The following PSMD4 variants were observed in gnomAD, a reference collection of about 807,000 sequenced individuals.
The protein encoded by PSMD4 is proteasome 26S subunit ubiquitin receptor, non-ATPase 4, also known as 26S proteasome non-ATPase regulatory subunit 4.
In PSMD4, 5 loss-of-function variants were observed where a neutral mutation model predicts 39.7. The ratio of observed to expected loss-of-function variants is 0.13; its 90% confidence interval spans 0.07 to 0.26. PSMD4 has a LOEUF of 0.26. Ranked by LOEUF, PSMD4 falls within the 10% of genes least tolerant of loss-of-function variation. The pLI is 1.00. For missense variants in PSMD4, 272 were observed against 486.1 expected, an observed-to-expected ratio of 0.56 and a Z score of 4.14; for synonymous variants, 143 against 174.6, an observed-to-expected ratio of 0.82 and a Z score of 1.43.
In PSMD4 at chr1:151,266,517, C is replaced by T. The variant is rs2101842033; in HGVS notation, c.896-3C>T. 1.9e-6 allele frequency: 3 copies of T among 1,614,214 alleles called. No homozygotes were observed. In the East Asian group the frequency reaches 6.7e-5, roughly 36 times the overall value. On this transcript the variant is annotated splice_region_variant and splice_polypyrimidine_tract_variant and intron_variant, in intron 8 of 9. Transcript: ENST00000368884. ...ACTGAACAGACTGACCTCTCTTCCTCAGAGTTTGGCCAGGCGGAATCAGCA... is the reference window on the plus strand; with the variant it reads ...ACTGAACAGACTGACCTCTCTTCCTTAGAGTTTGGCCAGGCGGAATCAGCA...
chr1:151,262,414 C>T (rs1346695427), intron 2 of PSMD4, 113 bp downstream of exon 2: 1 of 1,320,390 alleles, frequency 7.6e-7, no homozygotes, highest in Non-Finnish European at 1.1e-6. Context: ...CTGCCTTCTG[C>T]ACTATTTAGT....
At chr1:151,255,866 A>G (rs137877353) in intron 1 of PSMD4, among the ~76,000 whole-genome samples, 2 of 152,024 alleles carry the variant, frequency 1.3e-5, no homozygotes, top group Non-Finnish European at 1.5e-5. Context: ...TGCACCAACG[A>G]TAGAACAGTG....
chr1:151,256,363 TA>T (rs56844459), intron 1 of PSMD4, among the ~76,000 whole-genome samples: 2,856 of 37,458 alleles, frequency 0.076, 142 homozygotes, highest in Middle Eastern at 0.17. Flanking sequence ...AAAATAATAA[TA>T]AAATAAATAA....
At chr1:151,265,881 C>A in intron 6 of PSMD4, 123 bp from the exon 7 acceptor site, 1 of 1,329,566 alleles carries the variant, frequency 7.5e-7, no homozygotes, top group Non-Finnish European at 1.0e-6. Flanking sequence ...CCTCCAGCTT[C>A]TTCTCTGTGT....
At chr1:151,266,968 C>G in intron 9 of PSMD4, 1 of 728,746 alleles carries the variant, frequency 1.4e-6, no homozygotes, top group Non-Finnish European at 2.5e-6. Context: ...CTCAGCAGGC[C>G]CCTCTATTTG....
At chr1:151,255,212 C>G (rs777416050) in intron 1 of PSMD4, among the ~76,000 whole-genome samples, 4 of 152,244 alleles carry the variant, frequency 2.6e-5, no homozygotes, top group Middle Eastern at 3.2e-3. Flanking sequence ...TCCCTCGTCT[C>G]TAACTTCATT....
chr1:151,261,333 G>A (rs754276369), intron 1 of PSMD4, among the ~76,000 whole-genome samples: 2 of 151,572 alleles, frequency 1.3e-5, no homozygotes, highest in Non-Finnish European at 1.5e-5. Flanking sequence ...GTGCCACCAC[G>A]CCCAGCTAAT....
intron 1 of PSMD4, among the ~76,000 whole-genome samples, chr1:151,256,459 AAGG>A (rs1391979067): frequency 2.2e-5 from 3 of 138,274 alleles, no homozygotes; most frequent in African/African-American, 8.1e-5. Flanking sequence ...TCTCTTTGAG[AAGG>A]AGTTTTGCTC....
intron 1 of PSMD4, among the ~76,000 whole-genome samples, chr1:151,261,180 CTTTTTTTTTT>C (rs587653164): frequency 8.3e-6 from 1 of 120,012 alleles, no homozygotes; most frequent in African/African-American, 3.1e-5. Context: ...TTTTCTTTTT[CTTTTTTTTTT>C]TTTTTTTTTG....
At chr1:151,266,876 A>G (rs1693461044) in intron 9 of PSMD4, 1 of 709,158 alleles carries the variant, frequency 1.4e-6, no homozygotes, top group Non-Finnish European at 2.6e-6. Flanking sequence ...GAAAAAGAAA[A>G]AGGAGAACTG....
chr1:151,261,954 C>CAAA (rs11370693), intron 1 of PSMD4, among the ~76,000 whole-genome samples: 43 of 124,996 alleles, frequency 3.4e-4, no homozygotes, highest in African/African-American at 9.6e-4. Context: ...GACCCTATCT[C>CAAA]AAAAAAAAAA....
intron 1 of PSMD4, 54 bp downstream of exon 1, chr1:151,254,862 G>A: frequency 6.9e-7 from 1 of 1,447,532 alleles, no homozygotes; most frequent in Non-Finnish European, 9.0e-7. Flanking sequence ...GGCGCGTGTA[G>A]CGCCAAGGCA....
chr1:151,260,041 A>G (rs764655523), intron 1 of PSMD4, among the ~76,000 whole-genome samples: 2 of 152,204 alleles, frequency 1.3e-5, no homozygotes, highest in South Asian at 4.2e-4. Context: ...TCTACTAAAA[A>G]TACAAAATTA....
Position 151,267,161 on chromosome 1 carries a change from G to A in PSMD4, c.964-12G>A. 6.2e-7 allele frequency: 1 copy of A among 1,613,840 alleles called. No individual in the cohort carries two copies. The highest frequency in any genetic ancestry group is 8.5e-7 in the Non-Finnish European group (1 of 1,179,784). ...CCATACCCTCCCTTGAGCTCACACT[G>A]CCTGTTTGCAGGAGGAGGATGATTA... is the stretch of plus-strand genomic sequence containing the variant. On this transcript the variant is annotated splice_polypyrimidine_tract_variant and intron_variant, in intron 9 of 9. Transcript: ENST00000368884.
At chr1:151,262,503 T>G (rs1571069818) in intron 2 of PSMD4, 2 of 598,944 alleles carry the variant, frequency 3.3e-6, no homozygotes, top group East Asian at 6.0e-5. Flanking sequence ...TGGGGTGAAA[T>G]TTCTGTTTCT....
chr1:151,262,327 C>G lies in PSMD4; in HGVS notation c.167+26C>G, dbSNP rs921923439. The stretch of plus-strand genomic sequence containing the variant: ...GTATGGGGGACAGAGGAGGAGGGGA[C>G]TCAGTAGGTGGGTGGTTGTTACATG... On this transcript the variant is annotated intron_variant, in intron 2 of 9. Coordinates refer to ENST00000368884, the MANE Select transcript of PSMD4 (RefSeq NM_002810.4). The G allele has an allele frequency of 3.1e-6, 5 of 1,613,998 alleles. No individual in the cohort carries two copies. In the South Asian group the frequency reaches 3.3e-5, roughly 11 times the overall value.
At position 151,266,026 on chromosome 1, in the gene PSMD4, A is replaced by AGCAGCG. The variant is rs1481394462; in HGVS notation, c.688_693dup (p.Arg230_Gln231dup). Reference sequence around the variant, plus strand: ...CAGGCCCTTCGTGTATCTATGGAAGAGCAGCGGCAGCGGCAGGAGGAGGAG... The same window carrying AGCAGCG: ...CAGGCCCTTCGTGTATCTATGGAAGAGCAGCGGCAGCGGCAGCGGCAGGAGGAGGAG... On this transcript the variant is annotated inframe_insertion, in exon 7 of 10. Transcript: ENST00000368884. The AGCAGCG allele has an allele frequency of 6.2e-7, 1 of 1,604,656 alleles. No individual in the cohort carries two copies. Among genetic ancestry groups the AGCAGCG allele is most frequent in the Non-Finnish European group, 8.5e-7 (1 of 1,175,530 alleles).
At position 151,264,855 on chromosome 1, in the gene PSMD4, C is replaced by A. The variant is rs1693393175; in HGVS notation, c.306C>A (p.Gly102=). The change falls in exon 4 of 10, where the codon GGC becomes GGA. Residue 102 remains glycine (G), a synonymous_variant. Transcript: ENST00000368884. The stretch of plus-strand genomic sequence containing the variant: ...AGCTGGCTCTGAAGCACCGACAAGG[C>A]AAGAATCACAAGATGCGCATCATTG... ...VAHLALKHRQ[G]KNHKMRIIAF... is the part of the protein sequence containing the mutation. The A allele has an allele frequency of 1.9e-6, 3 of 1,613,556 alleles. No individual in the cohort carries two copies.
chr1:151,264,533 C>T (rs972384231), intron 3 of PSMD4, among the ~76,000 whole-genome samples: 1 of 151,624 alleles, frequency 6.6e-6, no homozygotes, highest in Non-Finnish European at 1.5e-5. Context: ...ATCGCTGGAA[C>T]CCGGGAGGTG....
Sources: gnomAD v4.1 joint callset for allele counts (sites outside exome capture counted in the v4.1 genomes callset) on GRCh38, gnomAD v4.1.1 for gene constraint, MANE v1.5 for transcripts, NCBI Gene and HGNC (gene_info 2026-07-23, HGNC 2026-07-21) for gene names.